The following RIMS1 variants were observed in gnomAD, a reference collection of about 807,000 sequenced individuals.
The protein encoded by RIMS1 is regulating synaptic membrane exocytosis protein 1.
In RIMS1, 83 loss-of-function variants were observed where a neutral mutation model predicts 214.1. The observed-to-expected ratio is 0.39, with a 90% CI of 0.32 to 0.47. The LOEUF (loss-of-function observed/expected upper bound fraction) is 0.47. Ranked by LOEUF, RIMS1 falls within the 20% of genes least tolerant of loss-of-function variation. The probability of loss-of-function intolerance (pLI) is 0.99; values close to 1 mark genes in which losing one functional copy is unlikely to be tolerated. For synonymous variants in RIMS1, 793 were observed against 786.8 expected, an observed-to-expected ratio of 1.01 and a Z score of -0.13; for missense variants, 2,050 against 2,161.8, an observed-to-expected ratio of 0.95 and a Z score of 1.03.
chr6:72,356,366 G>A (rs1304965560), intron 29 of RIMS1, among the ~76,000 whole-genome samples: 1 of 151,964 alleles, frequency 6.6e-6, no homozygotes, highest in African/African-American at 2.4e-5. Flanking sequence ...GCCTCTAATG[G>A]CAAAGGGAAG....
In RIMS1 at chr6:71,891,326, G is replaced by C. The variant is rs925292503; in HGVS notation, c.164+4139G>C. Among the ~76,000 whole-genome samples the C allele has an allele frequency of 2.6e-5, 4 of 152,300 alleles. No homozygotes were observed. In the South Asian group the frequency reaches 8.3e-4, roughly 32 times the overall value. ...TTTTCCTACAAATCCTTCAGTCCAT[G>C]GTATGAATTGATTTATAAAGAGTAT... On this transcript the variant is annotated intron_variant, in intron 1 of 33. Transcript: ENST00000521978.
At chr6:72,147,502 T>C (rs2042912806) in intron 4 of RIMS1, among the ~76,000 whole-genome samples, 1 of 152,088 alleles carries the variant, frequency 6.6e-6, no homozygotes, top group African/African-American at 2.4e-5. Flanking sequence ...AAACAGAAAT[T>C]TTTTCCAACA....
At chr6:72,152,288 C>T (rs958549953) in intron 4 of RIMS1, among the ~76,000 whole-genome samples, 1 of 152,302 alleles carries the variant, frequency 6.6e-6, no homozygotes, top group East Asian at 1.9e-4. Context: ...GCTAATTTAA[C>T]TCTTACAACA....
At chr6:72,359,032 C>G (rs961123806) in intron 29 of RIMS1, among the ~76,000 whole-genome samples, 1 of 152,198 alleles carries the variant, frequency 6.6e-6, no homozygotes, top group Non-Finnish European at 1.5e-5. Flanking sequence ...TTCATCTTTA[C>G]TTTTAACTTA....
At chr6:72,061,820 T>A (rs1265625802) in intron 2 of RIMS1, among the ~76,000 whole-genome samples, 1 of 152,274 alleles carries the variant, frequency 6.6e-6, no homozygotes, top group Non-Finnish European at 1.5e-5. Context: ...AAAAGATTTA[T>A]AACACAATAA....
chr6:72,346,702 T>C (rs777442247), intron 29 of RIMS1, among the ~76,000 whole-genome samples: 14 of 151,804 alleles, frequency 9.2e-5, no homozygotes, highest in Non-Finnish European at 2.1e-4. Context: ...TTTTATGTTT[T>C]TTAAATGGTT....
At chr6:71,936,135 G>C (rs2150960324) in intron 1 of RIMS1, among the ~76,000 whole-genome samples, 1 of 151,800 alleles carries the variant, frequency 6.6e-6, no homozygotes, top group East Asian at 1.9e-4. Context: ...CGGATCACGA[G>C]GTCAGGAGAT....
In RIMS1 at chr6:72,313,618, T is replaced by C; in HGVS notation, c.4076T>C (p.Leu1359Pro). The C allele has an allele frequency of 6.2e-7, 1 of 1,613,660 alleles. No homozygotes were observed. Among genetic ancestry groups the C allele is most frequent in the Non-Finnish European group, 8.5e-7 (1 of 1,179,732 alleles). ...TCCCGAACCAGCAGTGCCTCACGCC[T>C]CAGCAGCACAAGCTTTATGTCAGAG... is the stretch of plus-strand genomic sequence containing the variant. Reference protein sequence around the residue: ...AISRTSSASRLSSTSFMSEQS... With the variant: ...AISRTSSASRPSSTSFMSEQS... The change falls in exon 28 of 34, where the codon CTC (leucine) becomes CCC (proline). Residue 1359 changes from leucine (L) to proline (P), a missense_variant. Leu to Pro is a moderately conservative substitution (Grantham distance 98, BLOSUM62 -3). This residue lies in a region of RIMS1 where 889 missense variants were observed against 885.5 expected (regional missense o/e 1.00). Transcript: ENST00000521978.
At chr6:72,399,679 A>G (rs987108860) in intron 33 of RIMS1, among the ~76,000 whole-genome samples, 11 of 152,144 alleles carry the variant, frequency 7.2e-5, no homozygotes, top group African/African-American at 2.7e-4. Flanking sequence ...TTTAAAGATT[A>G]TGTCTGAGAT....
chr6:72,096,896 G>C, intron 2 of RIMS1, 53 bp from the exon 3 acceptor site: 1 of 1,404,170 alleles, frequency 7.1e-7, no homozygotes, highest in Non-Finnish European at 1.0e-6. Flanking sequence ...GTTTGTTCTT[G>C]GTTTTGTCTT....
At chr6:72,248,150 G>A (rs1176268708) in intron 12 of RIMS1, 23 bp downstream of exon 12, 4 of 1,483,380 alleles carry the variant, frequency 2.7e-6, no homozygotes, top group South Asian at 2.3e-5. Flanking sequence ...TGTACATGTT[G>A]GAGGCTGTTA....
At chr6:72,116,308 A>T (rs555162252) in intron 4 of RIMS1, among the ~76,000 whole-genome samples, 1 of 152,108 alleles carries the variant, frequency 6.6e-6, no homozygotes, top group African/African-American at 2.4e-5. Flanking sequence ...GTGTAAGTAC[A>T]GATGTTGGGG....
chr6:72,120,996 T>G (rs1167592181), intron 4 of RIMS1, among the ~76,000 whole-genome samples: 1 of 151,906 alleles, frequency 6.6e-6, no homozygotes, highest in Non-Finnish European at 1.5e-5. Flanking sequence ...GCCTCTGTTC[T>G]GTTCCATTGG....
intron 2 of RIMS1, among the ~76,000 whole-genome samples, chr6:72,013,242 T>C (rs1431973835): frequency 6.6e-6 from 1 of 152,154 alleles, no homozygotes; most frequent in Non-Finnish European, 1.5e-5. Context: ...AGCTAACAAA[T>C]CTCTGAACAT....
intron 1 of RIMS1, among the ~76,000 whole-genome samples, chr6:71,919,436 T>G (rs1327860993): frequency 6.6e-5 from 10 of 151,958 alleles, no homozygotes; most frequent in Non-Finnish European, 1.5e-4. Flanking sequence ...GTGGGAAGAT[T>G]ATCAGTTCGG....
Position 71,886,903 on chromosome 6 carries a change from C to G in RIMS1, c.-121C>G, listed in dbSNP as rs532687860. ...TGCTGCTGCCGCCGCCGCCGCTGCT[C>G]CTCCTCCTGCCGCCGCCGCTAGGGC... On this transcript the variant is annotated 5_prime_UTR_variant, in exon 1 of 34. Coordinates refer to ENST00000521978, the MANE Select transcript of RIMS1 (RefSeq NM_014989.7). 4.3e-6 allele frequency: 5 copies of G among 1,162,420 alleles called. No homozygotes were observed. Among genetic ancestry groups the G allele is most frequent in the Non-Finnish European group, 6.1e-6 (5 of 818,972 alleles). The allele number at this position is 1,162,420 out of a possible 1,614,324, so 72.0% of individuals were successfully genotyped here.
intron 2 of RIMS1, among the ~76,000 whole-genome samples, chr6:72,031,574 G>T (rs1252277992): frequency 6.6e-6 from 1 of 152,086 alleles, no homozygotes; most frequent in Non-Finnish European, 1.5e-5. Flanking sequence ...GGGGGAAATA[G>T]TTGGATAGGA....
At chr6:72,261,587 G>A in intron 19 of RIMS1, 10 of 978,356 alleles carry the variant, frequency 1.0e-5, no homozygotes, top group Non-Finnish European at 1.2e-5. Context: ...GTAAGTCAGT[G>A]AAACAAACTA....
At chr6:72,076,006 A>G (rs1252610718) in intron 2 of RIMS1, among the ~76,000 whole-genome samples, 1 of 152,220 alleles carries the variant, frequency 6.6e-6, no homozygotes, top group Non-Finnish European at 1.5e-5. Flanking sequence ...GTTCATGTGT[A>G]ATTATATGTA....
Sources: gnomAD v4.1 joint callset for allele counts (sites outside exome capture counted in the v4.1 genomes callset) on GRCh38, gnomAD v4.1.1 for gene constraint, gnomAD v4.1.1 regional missense constraint, MANE v1.5 for transcripts, NCBI Gene and HGNC (gene_info 2026-07-23, HGNC 2026-07-21) for gene names.